CNTN3: variants seen among roughly 807,000 people sequenced by gnomAD.
CNTN3 encodes contactin 3.
CNTN3 carries 60 observed loss-of-function variants against 119.1 expected under a neutral mutation model. The ratio of observed to expected loss-of-function variants is 0.50; its 90% CI spans 0.41 to 0.62. The LOEUF (loss-of-function observed/expected upper bound fraction) is 0.62, where lower values mean the gene tolerates loss of function less well. Ranked by LOEUF, CNTN3 falls within the 20% of genes least tolerant of loss-of-function variation. The probability of loss-of-function intolerance (pLI) is 0.00; values close to 1 mark genes in which losing one functional copy is unlikely to be tolerated. For synonymous variants in CNTN3, 450 were observed against 438.7 expected, an observed-to-expected ratio of 1.03 and a Z score of -0.32; for missense variants, 1,101 against 1,242.4, an observed-to-expected ratio of 0.89 and a Z score of 1.71.
intron 18 of CNTN3, 29 bp from the exon 19 acceptor site, chr3:74,295,265 TG>T: frequency 7.8e-7 from 1 of 1,288,402 alleles, no homozygotes. Context: ...TGAAATATGA[TG>T]ATAATTTTGG....
At position 74,583,927 on chromosome 3, in the gene CNTN3, G is replaced by C. The variant is rs181692282; in HGVS notation, c.-81+30464C>G. ...GACCTAACTTCTGGCCCTAGCTCTT[G>C]TCCCTGGTTCTTATCTTGAAATCTG... On this transcript the variant is annotated intron_variant, in intron 1 of 22. Coordinates refer to ENST00000263665, the MANE Select transcript of CNTN3 (RefSeq NM_020872.3). Among the ~76,000 whole-genome samples the C allele has an allele frequency of 1.8e-3, 273 of 152,172 alleles. 5 individuals are homozygous for C. Among genetic ancestry groups the C allele is most frequent in the Admixed American group, 0.018 (271 of 15,294 alleles).
At chr3:74,457,879 C>T (rs920137186) in intron 4 of CNTN3, among the ~76,000 whole-genome samples, 5 of 151,872 alleles carry the variant, frequency 3.3e-5, no homozygotes, top group African/African-American at 1.2e-4. Context: ...TTCTACATGC[C>T]CCATGAAGAG....
chr3:74,557,581 C>T (rs1005690913), intron 1 of CNTN3, among the ~76,000 whole-genome samples: 9 of 152,036 alleles, frequency 5.9e-5, no homozygotes, highest in African/African-American at 2.2e-4. Flanking sequence ...TTTCTTTTTT[C>T]TATTTGCTGA....
intron 18 of CNTN3, among the ~76,000 whole-genome samples, chr3:74,296,523 A>T (rs1409013237): frequency 6.6e-6 from 1 of 152,222 alleles, no homozygotes; most frequent in Non-Finnish European, 1.5e-5. Context: ...CAAAAGTGAG[A>T]ACACAAGAAT....
At chr3:74,292,136 G>A (rs533370682) in intron 19 of CNTN3, among the ~76,000 whole-genome samples, 5 of 152,252 alleles carry the variant, frequency 3.3e-5, no homozygotes, top group African/African-American at 1.2e-4. Flanking sequence ...GATAGCTTTT[G>A]GCATAATCCC....
intron 20 of CNTN3, among the ~76,000 whole-genome samples, chr3:74,280,160 T>TA (rs1309870439): frequency 6.6e-6 from 1 of 151,696 alleles, no homozygotes; most frequent in African/African-American, 2.4e-5. Context: ...CCACAAAAAT[T>TA]AAAAAACAAA....
intron 20 of CNTN3, among the ~76,000 whole-genome samples, chr3:74,283,187 T>C (rs1166289601): frequency 6.6e-6 from 1 of 152,162 alleles, no homozygotes; most frequent in African/African-American, 2.4e-5. Context: ...GTTAAGACTA[T>C]GGATTTGGAT....
chr3:74,589,683 A>G (rs1704664671), intron 1 of CNTN3, among the ~76,000 whole-genome samples: 1 of 149,472 alleles, frequency 6.7e-6, no homozygotes, highest in African/African-American at 2.5e-5. Flanking sequence ...CACTATTCAC[A>G]ATAGCAAAGA....
chr3:74,500,597 T>C (rs1415485122), intron 2 of CNTN3, among the ~76,000 whole-genome samples: 2 of 149,404 alleles, frequency 1.3e-5, no homozygotes, highest in Admixed American at 6.7e-5. Context: ...AGAGAATGAA[T>C]AAACAGACTA....
At chr3:74,436,689 C>T (rs1701871781) in intron 4 of CNTN3, among the ~76,000 whole-genome samples, 2 of 152,060 alleles carry the variant, frequency 1.3e-5, no homozygotes, top group Admixed American at 6.6e-5. Context: ...GTCACCCTTC[C>T]TCTCCCCAAA....
intron 1 of CNTN3, among the ~76,000 whole-genome samples, chr3:74,574,722 G>A (rs1704387188): frequency 6.6e-6 from 1 of 152,080 alleles, no homozygotes; most frequent in African/African-American, 2.4e-5. Flanking sequence ...TTAACTTCAA[G>A]TTGCATTTTG....
Position 74,358,746 on chromosome 3 carries a change from G to A in CNTN3, c.1364+3144C>T, listed in dbSNP as rs145172163. The stretch of plus-strand genomic sequence containing the variant: ...TCTAGCATTAGGTATATCTCCCAAT[G>A]CTATCCCTCCCCCCTCCCCCCACCC... On this transcript the variant is annotated intron_variant, in intron 11 of 22. Coordinates refer to ENST00000263665, the MANE Select transcript of CNTN3 (RefSeq NM_020872.3). 1.0e-2 allele frequency among the ~76,000 whole-genome samples: 1,422 copies of A among 142,478 alleles called. 17 individuals are homozygous for A. Among genetic ancestry groups the A allele is most frequent in the East Asian group, 0.053 (243 of 4,606 alleles). The allele number at this position is 142,478 out of a possible 152,430, so 93.5% of individuals were successfully genotyped here.
At chr3:74,460,105 T>C (rs1702338386) in intron 4 of CNTN3, among the ~76,000 whole-genome samples, 1 of 152,026 alleles carries the variant, frequency 6.6e-6, no homozygotes, top group Admixed American at 6.6e-5. Context: ...TTCTCTATTT[T>C]GTTCCTTGAT....
rs567189804 is a variant in CNTN3, at chr3:74,554,755, T to C, written c.-80-33563A>G. 9.2e-5 allele frequency among the ~76,000 whole-genome samples: 14 copies of C among 152,352 alleles called. No individual in the cohort carries two copies. The East Asian group carries it at 1.9e-3, about 21-fold the overall frequency. ...TAGGAATGCTTGTGATTTTTGCACA[T>C]TGATTTTGTATCCTGAGACTTTGCT... On this transcript the variant is annotated intron_variant, in intron 1 of 22. Coordinates refer to ENST00000263665, the MANE Select transcript of CNTN3 (RefSeq NM_020872.3).
intron 19 of CNTN3, among the ~76,000 whole-genome samples, chr3:74,288,557 G>T (rs1186695681): frequency 2.0e-5 from 3 of 152,058 alleles, no homozygotes; most frequent in African/African-American, 7.2e-5. Flanking sequence ...TTTAAGTTTG[G>T]CATTCTATTA....
intron 1 of CNTN3, among the ~76,000 whole-genome samples, chr3:74,597,090 G>A (rs1030124617): frequency 2.0e-5 from 3 of 151,990 alleles, no homozygotes; most frequent in South Asian, 2.1e-4. Flanking sequence ...TAATGAGAGG[G>A]GGGAAGGAAA....
chr3:74,500,409 G>A (rs569055082), intron 2 of CNTN3, among the ~76,000 whole-genome samples: 6 of 151,118 alleles, frequency 4.0e-5, no homozygotes, highest in South Asian at 4.2e-4. Context: ...ATTGTACTAC[G>A]TGTTTAAAAA....
chr3:74,485,872 G>T (rs1187853028), intron 4 of CNTN3, among the ~76,000 whole-genome samples: 2 of 152,108 alleles, frequency 1.3e-5, no homozygotes, highest in Admixed American at 1.3e-4. Flanking sequence ...AAATAACATG[G>T]TACAAAATGG....
rs557730526 is a variant in CNTN3 at position 74,588,565 on chromosome 3, A to G, written c.-81+25826T>C. 1.7e-3 allele frequency among the ~76,000 whole-genome samples: 258 copies of G among 151,804 alleles called. 3 individuals are homozygous for G. The highest frequency in any genetic ancestry group is 0.014 in the Admixed American group (215 of 14,930). ...TTATAGATTCAATGCCATCCCCATC[A>G]AGCTACCAATGACTTTCTTCACAGA... On this transcript the variant is annotated intron_variant, in intron 1 of 22. Coordinates refer to ENST00000263665, the MANE Select transcript of CNTN3 (RefSeq NM_020872.3).
Sources: allele counts gnomAD v4.1 joint callset (sites outside exome capture counted in the v4.1 genomes callset), GRCh38; gene constraint gnomAD v4.1.1; transcripts MANE v1.5; gene names NCBI Gene and HGNC (gene_info 2026-07-23, HGNC 2026-07-21).